The following SMURF1 variants were observed in gnomAD, a reference collection of about 807,000 sequenced individuals.
SMURF1 encodes the protein E3 ubiquitin-protein ligase SMURF1.
SMURF1 carries 44 observed loss-of-function variants against 98.0 expected under a neutral mutation model. That is an observed-to-expected ratio of 0.45 (90% confidence interval 0.35 to 0.58). The LOEUF (loss-of-function observed/expected upper bound fraction) is 0.58. SMURF1 is among the 20% of genes least tolerant of loss of function. The pLI, the probability that SMURF1 is intolerant of heterozygous loss-of-function variation, is 0.00. For missense variants in SMURF1, 687 were observed against 938.4 expected (o/e 0.73, Z 3.50); for synonymous variants, 396 against 374.9 (o/e 1.06, Z -0.65).
At chr7:99,130,561 A>G (rs1797850909) in intron 1 of SMURF1, among the ~76,000 whole-genome samples, 1 of 152,234 alleles carries the variant, frequency 6.6e-6, no homozygotes, top group Non-Finnish European at 1.5e-5. Context: ...ATATAAAGGT[A>G]CCACTCCTAA....
chr7:99,044,494 G>T (rs557223268), intron 11 of SMURF1, among the ~76,000 whole-genome samples: 1 of 152,250 alleles, frequency 6.6e-6, no homozygotes, highest in African/African-American at 2.4e-5. Flanking sequence ...CCAAATTTTG[G>T]TTACAGAAGA....
In SMURF1 at chr7:99,033,216, C is replaced by T. The variant is rs535409634; in HGVS notation, c.2012-95G>A. 793 of 1,210,836 alleles carry T rather than the reference C, an allele frequency of 6.5e-4. 6 individuals carry two copies. Among genetic ancestry groups the T allele is most frequent in the Non-Finnish European group, 9.1e-5 (77 of 847,576 alleles). The allele number at this position is 1,210,836 out of a possible 1,614,324, so 75.0% of individuals were successfully genotyped here. On this transcript the variant is annotated intron_variant, in intron 16 of 17. Transcript: ENST00000361368. The stretch of plus-strand genomic sequence containing the variant: ...CCAGGAGCAGGGCCCTGACCACATT[C>T]CCACCCCCACACCCAGGCAGGCTGT...
At chr7:99,106,988 A>G (rs1797207318) in intron 1 of SMURF1, among the ~76,000 whole-genome samples, 1 of 152,360 alleles carries the variant, frequency 6.6e-6, no homozygotes, top group Non-Finnish European at 1.5e-5. Context: ...AGTTATAATT[A>G]TTAACCAGAT....
At chr7:99,062,129 C>G (rs1408993601) in intron 1 of SMURF1, among the ~76,000 whole-genome samples, 1 of 151,236 alleles carries the variant, frequency 6.6e-6, no homozygotes, top group East Asian at 1.9e-4. Context: ...AGGTCTTGCT[C>G]TCTTGCCCAG....
intron 13 of SMURF1, 63 bp downstream of exon 13, chr7:99,040,299 GCGCGCGCGCACGCGCA>G: frequency 7.7e-7 from 1 of 1,290,988 alleles, no homozygotes; most frequent in South Asian, 2.2e-5. Flanking sequence ...ACACACGCGC[GCGCGCGCGCACGCGCA>G]TACATACGAT....
chr7:99,070,422 A>G (rs1796290221), intron 1 of SMURF1, among the ~76,000 whole-genome samples: 1 of 152,340 alleles, frequency 6.6e-6, no homozygotes, highest in Admixed American at 6.5e-5. Context: ...GGGTGAAGGC[A>G]TCTCTGCTGC....
intron 14 of SMURF1, 64 bp from the exon 15 acceptor site, chr7:99,037,251 T>G: frequency 6.2e-7 from 1 of 1,607,542 alleles, no homozygotes; most frequent in Non-Finnish European, 8.5e-7. Context: ...GGCAGGTTTT[T>G]TTTGGAGACA....
At chr7:99,034,113 C>T (rs994912482) in intron 16 of SMURF1, among the ~76,000 whole-genome samples, 11 of 152,184 alleles carry the variant, frequency 7.2e-5, no homozygotes, top group Admixed American at 7.2e-4. Context: ...GCTGGCTCCT[C>T]CCCCTCACAG....
At chr7:99,107,689 T>C (rs924587329) in intron 1 of SMURF1, among the ~76,000 whole-genome samples, 1 of 152,186 alleles carries the variant, frequency 6.6e-6, no homozygotes. Context: ...CTAAACAGCA[T>C]ACAGTTACAG....
At chr7:99,123,966 G>T (rs1440562496) in intron 1 of SMURF1, among the ~76,000 whole-genome samples, 1 of 152,194 alleles carries the variant, frequency 6.6e-6, no homozygotes, top group African/African-American at 2.4e-5. Flanking sequence ...ACAACCTGAT[G>T]GGGTAGGTCT....
chr7:99,078,916 A>C (rs190023417), intron 1 of SMURF1, among the ~76,000 whole-genome samples: 9 of 152,308 alleles, frequency 5.9e-5, no homozygotes, highest in Non-Finnish European at 1.0e-4. Context: ...AATCATCCCA[A>C]AACCATCTCC....
intron 1 of SMURF1, among the ~76,000 whole-genome samples, chr7:99,133,824 G>A (rs1159282997): frequency 2.4e-4 from 37 of 152,144 alleles, no homozygotes; most frequent in Admixed American, 2.4e-3. Context: ...ACAGCAAAGA[G>A]AATGACTGAC....
At chr7:99,050,868 A>G in intron 8 of SMURF1, 1 of 1,276,808 alleles carries the variant, frequency 7.8e-7, no homozygotes, top group Non-Finnish European at 1.0e-6. Context: ...GCAAAAGAAA[A>G]AAAGAAACTT....
At chr7:99,051,841 G>A (rs766120705) in intron 7 of SMURF1, among the ~76,000 whole-genome samples, 3 of 152,100 alleles carry the variant, frequency 2.0e-5, no homozygotes, top group Non-Finnish European at 4.4e-5. Context: ...CGCACTTATG[G>A]CACAGGCTAC....
chr7:99,072,929 A>C (rs1315318782), intron 1 of SMURF1, among the ~76,000 whole-genome samples: 1 of 152,226 alleles, frequency 6.6e-6, no homozygotes, highest in Admixed American at 6.5e-5. Context: ...ATTATGCTCA[A>C]CTTGATTGAG....
intron 1 of SMURF1, among the ~76,000 whole-genome samples, chr7:99,117,529 T>G (rs1198324640): frequency 3.3e-5 from 5 of 151,680 alleles, no homozygotes; most frequent in Non-Finnish European, 7.4e-5. Flanking sequence ...TTTTGTATTT[T>G]TAGTAGAGAC....
intron 1 of SMURF1, among the ~76,000 whole-genome samples, chr7:99,062,380 C>G (rs1796053274): frequency 6.6e-6 from 1 of 152,136 alleles, no homozygotes; most frequent in African/African-American, 2.4e-5. Flanking sequence ...TTTATCCTTA[C>G]AGGTACCGCT....
intron 1 of SMURF1, among the ~76,000 whole-genome samples, chr7:99,070,636 T>C (rs1246759644): frequency 1.4e-5 from 2 of 147,908 alleles, no homozygotes; most frequent in African/African-American, 2.4e-5. Flanking sequence ...TGTTAAATGG[T>C]ATTAGGTAAT....
intron 1 of SMURF1, among the ~76,000 whole-genome samples, chr7:99,130,843 G>A (rs1033095054): frequency 2.6e-5 from 4 of 152,156 alleles, no homozygotes; most frequent in Non-Finnish European, 5.9e-5. Flanking sequence ...ATTCAAAGAT[G>A]GAACCTAATT....
Sources: gnomAD v4.1 joint callset for allele counts (sites outside exome capture counted in the v4.1 genomes callset) on GRCh38, gnomAD v4.1.1 for gene constraint, MANE v1.5 for transcripts, NCBI Gene and HGNC (gene_info 2026-07-23, HGNC 2026-07-21) for gene names.